CNOT6L: variants seen among roughly 807,000 people sequenced by gnomAD.
CNOT6L encodes CCR4-NOT transcription complex subunit 6-like.
CNOT6L carries 7 observed loss-of-function variants against 64.0 expected under a neutral mutation model. The observed-to-expected ratio is 0.11, with a 90% CI of 0.06 to 0.21. The LOEUF (loss-of-function observed/expected upper bound fraction) is 0.21, where lower values mean the gene tolerates loss of function less well. Among genes scored for constraint, CNOT6L ranks in the 10% least tolerant of loss-of-function variants. The probability of loss-of-function intolerance (pLI) is 1.00; values close to 1 mark genes in which losing one functional copy is unlikely to be tolerated. For synonymous variants in CNOT6L, 193 were observed against 243.4 expected, an observed-to-expected ratio of 0.79 and a Z score of 1.93; for missense variants, 245 against 669.0, an observed-to-expected ratio of 0.37 and a Z score of 6.99.
chr4:77,733,150 T>C (rs1722624271), intron 8 of CNOT6L, among the ~76,000 whole-genome samples: 1 of 152,106 alleles, frequency 6.6e-6, no homozygotes, highest in African/African-American at 2.4e-5. Flanking sequence ...AAAGCAGCAT[T>C]ATGTTAGAAT....
intron 5 of CNOT6L, among the ~76,000 whole-genome samples, chr4:77,748,831 C>A (rs564354883): frequency 1.3e-5 from 2 of 152,108 alleles, no homozygotes; most frequent in African/African-American, 4.8e-5. Context: ...TCTAGTGGGG[C>A]CTTCATTTTC....
At chr4:77,818,901 C>A in intron 1 of CNOT6L, 1 of 528,898 alleles carries the variant, frequency 1.9e-6, no homozygotes, top group South Asian at 1.7e-5. Context: ...CAGCAGCTCT[C>A]CCAGCCCCGC....
rs780243600 is a variant in CNOT6L, at chr4:77,773,137, C to T, written c.344G>A (p.Arg115Gln). ...CCGACCAAGTTCATAAGGCAAAACC[C>T]GTAACAGATTGTTATTTAAAAGCAA... ...RELLLNNNLL[R>Q]VLPYELGRLF... The change falls in exon 4 of 12, where the codon CGG (arginine) becomes CAG (glutamine). Residue 115 changes from arginine (R) to glutamine (Q), a missense_variant. Arg to Gln is a conservative substitution (Grantham distance 43). Coordinates refer to ENST00000504123, the MANE Select transcript of CNOT6L (RefSeq NM_144571.3). The T allele has an allele frequency of 3.8e-6, 6 of 1,590,226 alleles. No homozygotes were observed. Among genetic ancestry groups the T allele is most frequent in the Non-Finnish European group, 5.1e-6 (6 of 1,173,148 alleles).
intron 1 of CNOT6L, 196 bp downstream of exon 1, chr4:77,819,107 CG>C (rs1733993398): frequency 2.1e-6 from 2 of 974,972 alleles, no homozygotes; most frequent in Non-Finnish European, 1.6e-6. Context: ...TGAAGAGACG[CG>C]GGTCAGCCCC....
At chr4:77,748,428 G>A (rs767196286) in intron 5 of CNOT6L, 44 bp from the exon 6 acceptor site, 6 of 1,206,554 alleles carry the variant, frequency 5.0e-6, no homozygotes, top group Admixed American at 3.5e-5. Context: ...ATGTGTTTCT[G>A]AAATCTGAAA....
chr4:77,749,151 A>G lies in CNOT6L; in HGVS notation c.491-767T>C, dbSNP rs75558455. ...TATCTAGCCACAGAAATTTTGACCA[A>G]AGTAGCCCAGATCTTTAAAACTGTC... On this transcript the variant is annotated intron_variant, in intron 5 of 11. Transcript: ENST00000504123. Among the ~76,000 whole-genome samples, 23 of 152,304 alleles carry G rather than the reference A, an allele frequency of 1.5e-4. No homozygotes were observed. The East Asian group carries it at 4.4e-3, about 29-fold the overall frequency.
rs1721498463 is a variant in CNOT6L, at chr4:77,723,401, C to CA, written c.1456-2759dup. ...ACACCTCACTGATACAATGGCCCCT[C>CA]ACTAATACAATTGGATCTGCATTTG... On this transcript the variant is annotated intron_variant, in intron 11 of 11. Coordinates refer to ENST00000504123, the MANE Select transcript of CNOT6L (RefSeq NM_144571.3). Among the ~76,000 whole-genome samples, 4 of 152,176 alleles carry CA rather than the reference C, an allele frequency of 2.6e-5. No individual in the cohort carries two copies. The South Asian group carries it at 8.3e-4, about 31-fold the overall frequency.
chr4:77,737,005 T>G (rs532273377), intron 8 of CNOT6L, among the ~76,000 whole-genome samples: 2 of 152,202 alleles, frequency 1.3e-5, no homozygotes, highest in South Asian at 4.1e-4. Context: ...TCTTACCAAC[T>G]TGTAGTCTAA....
chr4:77,794,379 T>A (rs531659839), intron 1 of CNOT6L, among the ~76,000 whole-genome samples: 1 of 152,084 alleles, frequency 6.6e-6, no homozygotes, highest in Non-Finnish European at 1.5e-5. Flanking sequence ...AAAGTCTTTT[T>A]TGAAGTTTAG....
upstream of CNOT6L, among the ~76,000 whole-genome samples, chr4:77,820,058 G>C (rs1734110731): frequency 6.6e-6 from 1 of 152,112 alleles, no homozygotes; most frequent in Non-Finnish European, 1.5e-5. Flanking sequence ...GGCTGCCGCC[G>C]CTGCGGGGGT....
chr4:77,767,684 A>T (rs1271229146), intron 4 of CNOT6L, among the ~76,000 whole-genome samples: 1 of 152,162 alleles, frequency 6.6e-6, no homozygotes, highest in African/African-American at 2.4e-5. Context: ...TATATTTAAA[A>T]ATCAGTTACA....
chr4:77,816,668 A>G (rs1166282908), intron 1 of CNOT6L, among the ~76,000 whole-genome samples: 1 of 152,210 alleles, frequency 6.6e-6, no homozygotes, highest in Non-Finnish European at 1.5e-5. Context: ...TTAGAAAATA[A>G]TATTTTTTAA....
chr4:77,793,949 G>C (rs533907042), intron 1 of CNOT6L, among the ~76,000 whole-genome samples: 1 of 151,582 alleles, frequency 6.6e-6, no homozygotes, highest in Non-Finnish European at 1.5e-5. Context: ...TCAGGGGTTC[G>C]AGACCAGCCT....
At chr4:77,818,021 T>G (rs1286835126) in intron 1 of CNOT6L, among the ~76,000 whole-genome samples, 1 of 152,246 alleles carries the variant, frequency 6.6e-6, no homozygotes, top group Non-Finnish European at 1.5e-5. Context: ...TGGGTTTTGC[T>G]TAGGCTATTC....
chr4:77,810,960 A>AAG, intron 1 of CNOT6L, among the ~76,000 whole-genome samples: 1 of 152,158 alleles, frequency 6.6e-6, no homozygotes, highest in Non-Finnish European at 1.5e-5. Context: ...CCAAGTTGCC[A>AAG]AGAATGACAG....
At chr4:77,766,747 A>G (rs1298942303) in intron 4 of CNOT6L, among the ~76,000 whole-genome samples, 1 of 151,456 alleles carries the variant, frequency 6.6e-6, no homozygotes, top group Non-Finnish European at 1.5e-5. Flanking sequence ...AGAGAAAAAA[A>G]AAAAGAAGAA....
chr4:77,774,581 G>A lies in CNOT6L; in HGVS notation c.263C>T (p.Ser88Phe). ...TGCTGGTAAACTTCTGAGTTTATTG[G>A]ATGACAGATCCAGGTAAACCAGATT... ...LHNLVYLDLSSNKLRSLPAEL... is the reference protein window; with the variant it reads ...LHNLVYLDLSFNKLRSLPAEL... Residue 88 changes from serine to phenylalanine, a missense_variant, in exon 3 of 12, where the codon TCC becomes TTC. Coordinates refer to ENST00000504123, the MANE Select transcript of CNOT6L (RefSeq NM_144571.3). 1.2e-6 allele frequency: 2 copies of A among 1,613,242 alleles called. No individual in the cohort carries two copies. Among genetic ancestry groups the A allele is most frequent in the African/African-American group, 2.7e-5 (2 of 74,936 alleles).
intron 9 of CNOT6L, among the ~76,000 whole-genome samples, chr4:77,730,413 T>C (rs1280759452): frequency 6.6e-6 from 1 of 152,036 alleles, no homozygotes; most frequent in African/African-American, 2.4e-5. Context: ...TCCCCTTCTA[T>C]GAGTACAAGA....
Position 77,720,654 on chromosome 4 carries a change from A to G in CNOT6L, c.1456-11T>C. The G allele has an allele frequency of 6.2e-7, 1 of 1,612,466 alleles. No individual in the cohort carries two copies. The highest frequency in any genetic ancestry group is 8.5e-7 in the Non-Finnish European group (1 of 1,178,998). On this transcript the variant is annotated splice_polypyrimidine_tract_variant and intron_variant, in intron 11 of 11. Transcript: ENST00000504123. ...GTAGTCAATCACGCCCTGGAAAGAG[A>G]TTGGGAATAGGAAAAAAAGAAAAAT...
Sources: allele counts gnomAD v4.1 joint callset (sites outside exome capture counted in the v4.1 genomes callset), GRCh38; gene constraint gnomAD v4.1.1; transcripts MANE v1.5; gene names NCBI Gene and HGNC (gene_info 2026-07-23, HGNC 2026-07-21).